The following LINGO2 variants were observed in gnomAD, a reference collection of about 807,000 sequenced individuals.
LINGO2 encodes the protein leucine-rich repeat and immunoglobulin-like domain-containing nogo receptor-interacting protein 2.
Under a neutral mutation model 30.6 loss-of-function variants are expected in LINGO2, and 14 were observed. The ratio of observed to expected loss-of-function variants is 0.46; its 90% CI spans 0.30 to 0.72. The LOEUF is 0.72. Ranked by LOEUF, LINGO2 falls within the 30% of genes least tolerant of loss-of-function variation. LINGO2 has a pLI of 0.07. For missense variants in LINGO2, 729 were observed against 751.7 expected (o/e 0.97, Z 0.35); for synonymous variants, 317 against 288.5 (o/e 1.10, Z -1.00).
chr9:28,771,469 G>GTA, the LINGO2 span, among the ~76,000 whole-genome samples: 30 of 106,680 alleles, frequency 2.8e-4, no homozygotes, highest in African/African-American at 1.3e-3. Context: ...GTGTGTGTGT[G>GTA]TGTGTGTGTG....
the LINGO2 span, among the ~76,000 whole-genome samples, chr9:28,819,912 T>C: frequency 1.3e-5 from 2 of 152,142 alleles, no homozygotes; most frequent in African/African-American, 4.8e-5. Context: ...AGCATACATA[T>C]ATAACCTGCC....
At chr9:28,534,634 T>A (rs1821357580) in intron 1 of LINGO2, among the ~76,000 whole-genome samples, 1 of 152,260 alleles carries the variant, frequency 6.6e-6, no homozygotes, top group East Asian at 1.9e-4. Context: ...TGCTTACTTA[T>A]TATAATGTTT....
At chr9:28,762,713 T>C in the LINGO2 span, among the ~76,000 whole-genome samples, 1 of 152,076 alleles carries the variant, frequency 6.6e-6, no homozygotes, top group Non-Finnish European at 1.5e-5. Flanking sequence ...GGCTGAAATT[T>C]GTATTAACTT....
chr9:28,512,581 ATATATAT>A (rs1564255776), intron 1 of LINGO2, among the ~76,000 whole-genome samples: 19 of 8,474 alleles, frequency 2.2e-3, no homozygotes, highest in Non-Finnish European at 3.6e-3. Context: ...AACTAACAGG[ATATATAT>A]GTGTGTATAT....
the LINGO2 span, chr9:27,938,212 G>A: frequency 1.3e-5 from 2 of 152,162 alleles, no homozygotes; most frequent in Non-Finnish European, 2.9e-5. Flanking sequence ...AAAAGTCAAT[G>A]ACATTAAAGA....
intron 2 of LINGO2, among the ~76,000 whole-genome samples, chr9:28,406,944 C>A (rs1483336245): frequency 3.3e-5 from 5 of 152,112 alleles, no homozygotes; most frequent in African/African-American, 9.7e-5. Flanking sequence ...AGATAACCAC[C>A]AGCAAAAATC....
intron 1 of LINGO2, among the ~76,000 whole-genome samples, chr9:28,669,469 G>GC: frequency 6.6e-6 from 1 of 151,500 alleles, no homozygotes; most frequent in East Asian, 1.9e-4. Context: ...GGACTTCTTT[G>GC]TTTTTTTTCT....
At chr9:28,722,580 C>T in the LINGO2 span, among the ~76,000 whole-genome samples, 1 of 152,010 alleles carries the variant, frequency 6.6e-6, no homozygotes, top group Non-Finnish European at 1.5e-5. Flanking sequence ...AGTGTCATTA[C>T]TGAAGGAATA....
the LINGO2 span, among the ~76,000 whole-genome samples, chr9:29,055,940 G>GTGTATATATATATGTGTGTATATA: frequency 8.3e-5 from 10 of 120,018 alleles, no homozygotes; most frequent in African/African-American, 2.9e-4. Context: ...ATGTGTGTGT[G>GTGTATATATATATGTGTGTATATA]TATATATACA....
chr9:28,834,428 T>C, the LINGO2 span, among the ~76,000 whole-genome samples: 1 of 152,214 alleles, frequency 6.6e-6, no homozygotes, highest in African/African-American at 2.4e-5. Context: ...TAGAATAATA[T>C]ACAGAACTCC....
intron 3 of LINGO2, among the ~76,000 whole-genome samples, chr9:28,338,233 G>A (rs1160859892): frequency 6.6e-6 from 1 of 152,206 alleles, no homozygotes; most frequent in East Asian, 1.9e-4. Flanking sequence ...TGACTGTCCT[G>A]CTGGATTTCA....
the LINGO2 span, among the ~76,000 whole-genome samples, chr9:29,180,548 C>A: frequency 6.6e-6 from 1 of 152,136 alleles, no homozygotes; most frequent in African/African-American, 2.4e-5. Flanking sequence ...TTCTTAATCA[C>A]CCTACAGCAT....
At chr9:29,201,415 C>G in the LINGO2 span, among the ~76,000 whole-genome samples, 1 of 152,012 alleles carries the variant, frequency 6.6e-6, no homozygotes, top group East Asian at 1.9e-4. Context: ...AGTGCTTACT[C>G]AGATACAAAG....
chr9:28,177,205 T>C (rs1828774253), intron 4 of LINGO2, among the ~76,000 whole-genome samples: 1 of 152,304 alleles, frequency 6.6e-6, no homozygotes, highest in African/African-American at 2.4e-5. Flanking sequence ...AAATCATAGA[T>C]GGCTATTGTA....
chr9:29,083,885 C>T, the LINGO2 span, among the ~76,000 whole-genome samples: 1 of 152,038 alleles, frequency 6.6e-6, no homozygotes, highest in Non-Finnish European at 1.5e-5. Flanking sequence ...ATAATATTAA[C>T]TCATTTTAGG....
chr9:29,179,176 TA>T, the LINGO2 span, among the ~76,000 whole-genome samples: 1 of 86,764 alleles, frequency 1.2e-5, no homozygotes, highest in Non-Finnish European at 2.5e-5. Flanking sequence ...TATATATATA[TA>T]TATATATATA....
chr9:28,052,236 G>C (rs1824710114), intron 4 of LINGO2, among the ~76,000 whole-genome samples: 1 of 152,084 alleles, frequency 6.6e-6, no homozygotes, highest in African/African-American at 2.4e-5. Context: ...TGACAAAGTA[G>C]GGAAGTGTTG....
the LINGO2 span, among the ~76,000 whole-genome samples, chr9:28,771,163 C>G: frequency 2.6e-5 from 4 of 152,044 alleles, no homozygotes; most frequent in Non-Finnish European, 5.9e-5. Flanking sequence ...CTGTAATCAG[C>G]TTATATAGGT....
At chr9:28,680,955 C>A in the LINGO2 span, among the ~76,000 whole-genome samples, 1 of 151,946 alleles carries the variant, frequency 6.6e-6, no homozygotes, top group East Asian at 1.9e-4. Context: ...TTATATAACA[C>A]CATTAGTTTA....
Sources: allele counts gnomAD v4.1 joint callset (sites outside exome capture counted in the v4.1 genomes callset), GRCh38; gene constraint gnomAD v4.1.1; transcripts MANE v1.5; gene names NCBI Gene and HGNC (gene_info 2026-07-23, HGNC 2026-07-21).